TRPM1: variants seen among roughly 807,000 people sequenced by gnomAD.
TRPM1 encodes transient receptor potential cation channel subfamily M member 1.
TRPM1 carries 113 observed loss-of-function variants against 149.4 expected under a neutral mutation model. The ratio of observed to expected loss-of-function variants is 0.76; its 90% CI spans 0.65 to 0.88. The LOEUF (loss-of-function observed/expected upper bound fraction) is 0.88, where lower values mean the gene tolerates loss of function less well. Among genes scored for constraint, TRPM1 ranks in the 40% least tolerant of loss-of-function variants. The pLI is 0.00. For missense variants in TRPM1, 1,976 were observed against 2,038.7 expected (o/e 0.97, Z 0.59); for synonymous variants, 741 against 759.5 (o/e 0.98, Z 0.40).
intron 1 of TRPM1, among the ~76,000 whole-genome samples, chr15:31,114,231 C>T (rs915048136): frequency 2.6e-5 from 4 of 152,294 alleles, no homozygotes; most frequent in Admixed American, 6.5e-5. Context: ...CAAGTGTTCT[C>T]ATCATTTAGC....
Position 31,041,963 on chromosome 15 carries a change from T to C in TRPM1, c.2075A>G (p.Asp692Gly), listed in dbSNP as rs760118247. 1 of 1,614,166 alleles carries C rather than the reference T, an allele frequency of 6.2e-7. No individual in the cohort carries two copies. The change falls in exon 17 of 28, where the codon GAT (aspartate) becomes GGT (glycine). Residue 692 changes from aspartate (D) to glycine (G), a missense_variant. Physicochemically the swap from Asp to Gly is moderately conservative, Grantham distance 94. Around this residue, in one of 3 missense-constraint regions of TRPM1, gnomAD observed 1,332 missense variants for 1,347.1 expected, o/e 0.99. Transcript: ENST00000256552. ...GCTAGACACTAACTTGGAATTGTTA[T>C]CCAAGTCCTGGGAGATGTCATCCAC... ...DLVDDISQDL[D>G]NNSKDFGQLA...
intron 3 of TRPM1, among the ~76,000 whole-genome samples, chr15:31,073,224 A>T (rs1021465150): frequency 1.3e-5 from 2 of 152,140 alleles, no homozygotes; most frequent in Non-Finnish European, 2.9e-5. Flanking sequence ...GCATGTGGCT[A>T]TCCAGTTATT....
chr15:31,115,887 A>T (rs1036124555), intron 1 of TRPM1, among the ~76,000 whole-genome samples: 1 of 152,018 alleles, frequency 6.6e-6, no homozygotes. Flanking sequence ...ATCAAAGTGT[A>T]GGCAGATTTG....
chr15:31,062,518 T>C, intron 9 of TRPM1, 61 bp downstream of exon 9: 1 of 1,606,468 alleles, frequency 6.2e-7, no homozygotes, highest in South Asian at 1.1e-5. Flanking sequence ...TGGGCGGAAT[T>C]AGAAAAGGAA....
intron 27 of TRPM1, among the ~76,000 whole-genome samples, chr15:31,005,420 C>T (rs1368561607): frequency 6.6e-6 from 1 of 152,148 alleles, no homozygotes; most frequent in African/African-American, 2.4e-5. Context: ...TCATTGGATT[C>T]TTTGGTCTCC....
chr15:31,055,439 G>A (rs909819606), intron 11 of TRPM1, among the ~76,000 whole-genome samples: 5 of 152,212 alleles, frequency 3.3e-5, no homozygotes, highest in African/African-American at 4.8e-5. Context: ...TAATGTGGAG[G>A]TTGCTCTTGA....
rs565082770 is a variant in TRPM1, at chr15:31,136,161, G to T, written c.54+24745C>A. Among the ~76,000 whole-genome samples, 44 of 152,230 alleles carry T rather than the reference G, an allele frequency of 2.9e-4. No individual in the cohort carries two copies. The South Asian group carries it at 8.9e-3, about 31-fold the overall frequency. On this transcript the variant is annotated intron_variant, in intron 1 of 26. Coordinates refer to the TRPM1 transcript ENST00000542188. ...CTTATCTCTGGGAGAGTGGGAGGAGGGGGTGGGAGGAGGTTGCAGCGCCTC... is the reference window on the plus strand; with the variant it reads ...CTTATCTCTGGGAGAGTGGGAGGAGTGGGTGGGAGGAGGTTGCAGCGCCTC...
At chr15:31,088,720 A>G (rs1039082523) in intron 1 of TRPM1, among the ~76,000 whole-genome samples, 1 of 151,550 alleles carries the variant, frequency 6.6e-6, no homozygotes, top group African/African-American at 2.4e-5. Context: ...TATGAGATTG[A>G]CTGAAGCGGC....
intron 8 of TRPM1, 76 bp downstream of exon 8, chr15:31,063,042 C>A (rs2034274658): frequency 1.5e-5 from 23 of 1,576,664 alleles, no homozygotes; most frequent in Middle Eastern, 3.3e-4. Context: ...TCTAAGCAGA[C>A]CACTTTAGAT....
chr15:31,124,459 G>T (rs2035918914), intron 1 of TRPM1, among the ~76,000 whole-genome samples: 1 of 151,198 alleles, frequency 6.6e-6, no homozygotes, highest in African/African-American at 2.4e-5. Flanking sequence ...TTCAAGACCA[G>T]ATTGGCTGAC....
At chr15:31,050,306 C>A (rs2033910438) in intron 12 of TRPM1, 103 bp downstream of exon 12, 1 of 1,566,996 alleles carries the variant, frequency 6.4e-7, no homozygotes, top group Non-Finnish European at 8.8e-7. Context: ...CCCGTCCCTC[C>A]TGGGATCAGG....
At chr15:31,090,175 C>T (rs1369451773) in intron 1 of TRPM1, among the ~76,000 whole-genome samples, 2 of 152,116 alleles carry the variant, frequency 1.3e-5, no homozygotes, top group Middle Eastern at 3.2e-3. Flanking sequence ...CACATGCTCT[C>T]GTAAAGGACT....
intron 1 of TRPM1, among the ~76,000 whole-genome samples, chr15:31,128,919 G>A (rs1047494886): frequency 3.3e-5 from 5 of 152,210 alleles, no homozygotes; most frequent in African/African-American, 7.2e-5. Context: ...CCCCCGCTCC[G>A]GCTTCCAGTC....
chr15:31,088,480 A>G (rs56074068), intron 1 of TRPM1, among the ~76,000 whole-genome samples: 1,963 of 152,280 alleles, frequency 0.013, 44 homozygotes, highest in African/African-American at 0.045. Context: ...TGAAGTCAGC[A>G]AGCCCACGAA....
chr15:31,088,037 G>A (rs936707154), intron 1 of TRPM1, among the ~76,000 whole-genome samples: 5 of 152,190 alleles, frequency 3.3e-5, no homozygotes, highest in Non-Finnish European at 7.3e-5. Flanking sequence ...AGCTATCTGC[G>A]CTTCACTCTA....
At chr15:31,141,631 G>A (rs966191086) in intron 1 of TRPM1, among the ~76,000 whole-genome samples, 1 of 151,210 alleles carries the variant, frequency 6.6e-6, no homozygotes, top group Non-Finnish European at 1.5e-5. Context: ...AGAGAATTTT[G>A]TGTGGTCATA....
chr15:31,150,530 G>A (rs897386058), intron 1 of TRPM1, among the ~76,000 whole-genome samples: 16 of 149,040 alleles, frequency 1.1e-4, no homozygotes, highest in African/African-American at 2.2e-4. Context: ...TCTGCCTCCC[G>A]GATTCAAGTG....
intron 6 of TRPM1, among the ~76,000 whole-genome samples, chr15:31,066,482 A>C (rs1249442703): frequency 6.6e-6 from 1 of 152,226 alleles, no homozygotes; most frequent in African/African-American, 2.4e-5. Context: ...TCACAGAGAA[A>C]TGAAAACCTA....
Position 31,042,123 on chromosome 15 carries a change from C to G in TRPM1, c.1915G>C (p.Val639Leu). The change falls in exon 17 of 28, where the codon GTG becomes CTG. Residue 639 changes from valine to leucine, a missense_variant. Physicochemically the swap from Val to Leu is conservative, Grantham distance 32. This residue lies in a region of TRPM1 where 1,332 missense variants were observed against 1,347.1 expected (regional missense o/e 0.99). Transcript: ENST00000256552. ...TGGCGTTTCATCAGCACTGCCCACA[C>G]CATCAGCTCGTGGAAGGGATACTGG... ...RFQYPFHELM[V>L]WAVLMKRQKM... 6.2e-7 allele frequency: 1 copy of G among 1,614,234 alleles called. No homozygotes were observed. The highest frequency in any genetic ancestry group is 8.5e-7 in the Non-Finnish European group (1 of 1,180,032).
Sources: gnomAD v4.1 joint callset for allele counts (sites outside exome capture counted in the v4.1 genomes callset) on GRCh38, gnomAD v4.1.1 for gene constraint, gnomAD v4.1.1 regional missense constraint, MANE v1.5 for transcripts, NCBI Gene and HGNC (gene_info 2026-07-23, HGNC 2026-07-21) for gene names.